Variants in BRD7 observed in about 807,000 individuals in gnomAD.
BRD7 encodes the protein bromodomain containing 7.
A neutral mutation model predicts 82.1 loss-of-function variants in BRD7; 15 were observed. The ratio of observed to expected loss-of-function variants is 0.18; its 90% CI spans 0.12 to 0.28. BRD7 has a LOEUF of 0.28. BRD7 is among the 10% of genes least tolerant of loss of function. BRD7 has a pLI of 1.00. For missense variants in BRD7, 638 were observed against 779.9 expected (o/e 0.82, Z 2.17); for synonymous variants, 232 against 266.9 (o/e 0.87, Z 1.27).
chr16:50,349,521 G>GT (rs2038433543), intron 5 of BRD7: 1 of 468,350 alleles, frequency 2.1e-6, no homozygotes, highest in African/African-American at 2.0e-5. Context: ...CAGTACGATT[G>GT]TAAGTTTCCT....
chr16:50,325,927 A>T (rs751182341), intron 10 of BRD7, 44 bp from the exon 11 acceptor site: 1 of 1,522,212 alleles, frequency 6.6e-7, no homozygotes, highest in Non-Finnish European at 8.8e-7. Flanking sequence ...TTTAACTTGC[A>T]TGTCAATCTA....
chr16:50,363,862 C>G (rs537485585), intron 2 of BRD7, among the ~76,000 whole-genome samples: 4 of 152,154 alleles, frequency 2.6e-5, no homozygotes, highest in African/African-American at 9.6e-5. Flanking sequence ...TTGGGACCAG[C>G]CTGGACAACA....
intron 2 of BRD7, among the ~76,000 whole-genome samples, chr16:50,355,708 G>T (rs1442427537): frequency 6.6e-6 from 1 of 152,150 alleles, no homozygotes; most frequent in African/African-American, 2.4e-5. Context: ...AGACTTAAAT[G>T]TACAAAGCAA....
chr16:50,334,151 T>C (rs371504008), intron 7 of BRD7, among the ~76,000 whole-genome samples: 10 of 152,206 alleles, frequency 6.6e-5, no homozygotes, highest in African/African-American at 2.2e-4. Context: ...CTCCCCAAAG[T>C]TGGCAGTGAG....
chr16:50,343,956 A>G (rs2038178515), intron 5 of BRD7, among the ~76,000 whole-genome samples: 1 of 152,228 alleles, frequency 6.6e-6, no homozygotes. Flanking sequence ...GAACGGACAG[A>G]CTACCTCCTG....
Position 50,326,401 on chromosome 16 carries a change from A to C in BRD7, c.1088-10T>G, listed in dbSNP as rs1213614503. The C allele has an allele frequency of 2.6e-6, 4 of 1,549,752 alleles. No individual in the cohort carries two copies. The highest frequency in any genetic ancestry group is 3.5e-6 in the Non-Finnish European group (4 of 1,141,860). ...GGGCAGTAGCCTGGCTCTACAACAT[A>C]AAACAGAGCACAGTGAAGGAGGCCT... is the stretch of plus-strand genomic sequence containing the variant. On this transcript the variant is annotated splice_polypyrimidine_tract_variant and intron_variant, in intron 9 of 16. Coordinates refer to ENST00000394688, the MANE Select transcript of BRD7 (RefSeq NM_013263.5).
At chr16:50,336,270 T>C (rs2037794688) in intron 6 of BRD7, among the ~76,000 whole-genome samples, 1 of 152,162 alleles carries the variant, frequency 6.6e-6, no homozygotes, top group Admixed American at 6.5e-5. Context: ...TATAAATAAA[T>C]CTCTCTAGGA....
intron 6 of BRD7, among the ~76,000 whole-genome samples, chr16:50,336,736 A>G (rs768975802): frequency 6.6e-6 from 1 of 152,242 alleles, no homozygotes; most frequent in Non-Finnish European, 1.5e-5. Context: ...CAGAACTTAC[A>G]TTAAGAATGC....
rs1006827315 is a variant in BRD7 at position 50,325,741 on chromosome 16, A to G, written c.1331+7T>C. The G allele has an allele frequency of 6.3e-7, 1 of 1,587,856 alleles. No homozygotes were observed. Among genetic ancestry groups the G allele is most frequent in the African/African-American group, 1.4e-5 (1 of 73,678 alleles). On this transcript the variant is annotated splice_region_variant and intron_variant, in intron 11 of 16. Coordinates refer to ENST00000394688, the MANE Select transcript of BRD7 (RefSeq NM_013263.5). ...AAATGTAATCAGAATATTAACTGGA[A>G]ACTCACCTGAAATCACTTGGAAGAT...
At chr16:50,348,950 T>C (rs2038401219) in intron 5 of BRD7, 1 of 152,348 alleles carries the variant, frequency 6.6e-6, no homozygotes, top group Non-Finnish European at 1.5e-5. Context: ...TAAAGACACA[T>C]GCGCACGTAT....
intron 2 of BRD7, among the ~76,000 whole-genome samples, chr16:50,355,169 T>G (rs946224536): frequency 4.6e-5 from 7 of 152,138 alleles, no homozygotes; most frequent in African/African-American, 1.7e-4. Context: ...AGCAACATAG[T>G]GTATATAGAA....
chr16:50,365,438 C>T (rs72786289), intron 2 of BRD7, among the ~76,000 whole-genome samples: 22,458 of 152,114 alleles, frequency 0.15, 2,113 homozygotes, highest in Non-Finnish European at 0.21. Flanking sequence ...AGCATTTACT[C>T]AGCTTTGTAC....
chr16:50,326,586 CA>C (rs2037350067), intron 9 of BRD7, among the ~76,000 whole-genome samples, 195 bp from the exon 10 acceptor site: 1 of 152,208 alleles, frequency 6.6e-6, no homozygotes. Flanking sequence ...GACCAAAACT[CA>C]GACCTGTTCA....
At chr16:50,319,415 T>G (rs1456962835) in intron 16 of BRD7, 149 bp from the exon 17 acceptor site, 3 of 649,784 alleles carry the variant, frequency 4.6e-6, no homozygotes, top group African/African-American at 1.8e-5. Context: ...CATTATCAGG[T>G]GATCATTGTG....
chr16:50,368,018 A>G, intron 2 of BRD7, 72 bp downstream of exon 2: 5 of 1,487,660 alleles, frequency 3.4e-6, no homozygotes, highest in Non-Finnish European at 4.7e-6. Context: ...AGATACAAAG[A>G]AAATAAAATG....
intron 5 of BRD7, among the ~76,000 whole-genome samples, chr16:50,341,674 T>G (rs963113250): frequency 2.0e-5 from 3 of 149,672 alleles, no homozygotes; most frequent in Non-Finnish European, 4.4e-5. Context: ...AATATGTATT[T>G]GGGGGGATGG....
intron 2 of BRD7, among the ~76,000 whole-genome samples, chr16:50,364,783 T>TG (rs1163348432): frequency 1.3e-5 from 2 of 152,212 alleles, no homozygotes; most frequent in Admixed American, 6.5e-5. Flanking sequence ...ATCATAAGTA[T>TG]GGTATATCCA....
At chr16:50,330,907 A>ATG (rs35372355) in intron 8 of BRD7, among the ~76,000 whole-genome samples, 88 of 84,718 alleles carry the variant, frequency 1.0e-3, no homozygotes, top group Non-Finnish European at 1.7e-3. Flanking sequence ...AAAATAGTTA[A>ATG]TATGTTATTA....
At chr16:50,328,427 C>T (rs544876215) in intron 9 of BRD7, among the ~76,000 whole-genome samples, 11 of 152,124 alleles carry the variant, frequency 7.2e-5, no homozygotes, top group Non-Finnish European at 1.2e-4. Context: ...TTGTTAATGG[C>T]GGGTTTAAAA....
Sources: gnomAD v4.1 joint callset for allele counts (sites outside exome capture counted in the v4.1 genomes callset) on GRCh38, gnomAD v4.1.1 for gene constraint, MANE v1.5 for transcripts, NCBI Gene and HGNC (gene_info 2026-07-23, HGNC 2026-07-21) for gene names.